Variants in SLC39A9 observed in about 807,000 individuals in gnomAD.
SLC39A9 encodes zinc transporter ZIP9.
Under a neutral mutation model 28.4 loss-of-function variants are expected in SLC39A9, and 14 were observed. That is an observed-to-expected ratio of 0.49 (90% CI 0.33 to 0.77). The LOEUF (loss-of-function observed/expected upper bound fraction) is 0.77, where lower values mean the gene tolerates loss of function less well. Ranked by LOEUF, SLC39A9 falls within the 30% of genes least tolerant of loss-of-function variation. The pLI is 0.02. For synonymous variants in SLC39A9, 119 were observed against 149.6 expected, an observed-to-expected ratio of 0.80 and a Z score of 1.49; for missense variants, 283 against 381.1, an observed-to-expected ratio of 0.74 and a Z score of 2.14.
chr14:69,421,803 G>A lies in SLC39A9; in HGVS notation c.97-2291G>A, dbSNP rs141766244. The stretch of plus-strand genomic sequence containing the variant: ...ATAAGGCTCCATGGGTGTGGGACTC[G>A]CTAAGCAAGGAGCGGGATATAATCT... On this transcript the variant is annotated intron_variant, in intron 1 of 6. Transcript: ENST00000336643. 3.4e-4 allele frequency among the ~76,000 whole-genome samples: 52 copies of A among 152,300 alleles called. 2 individuals are homozygous for A. The East Asian group carries it at 8.1e-3, about 24-fold the overall frequency.
At chr14:69,415,531 C>T (rs1020575228) in intron 1 of SLC39A9, among the ~76,000 whole-genome samples, 2 of 152,086 alleles carry the variant, frequency 1.3e-5, no homozygotes, top group Non-Finnish European at 2.9e-5. Flanking sequence ...CCTTTGTCAG[C>T]GTCATGGAGT....
intron 1 of SLC39A9, among the ~76,000 whole-genome samples, chr14:69,400,121 G>A (rs12385913): frequency 0.19 from 28,537 of 152,198 alleles, 2,810 homozygotes; most frequent in South Asian, 0.26. Context: ...AAATCAATAT[G>A]ATAACTTCCT....
intron 2 of SLC39A9, chr14:69,441,777 G>T: frequency 9.2e-7 from 1 of 1,090,832 alleles, no homozygotes. Flanking sequence ...TGGGGATGGT[G>T]TCCCTTTGGG....
intron 1 of SLC39A9, among the ~76,000 whole-genome samples, chr14:69,411,830 T>G (rs796901454): frequency 4.0e-5 from 6 of 151,314 alleles, no homozygotes; most frequent in African/African-American, 1.5e-4. Flanking sequence ...TCGCCCAGGC[T>G]GGAGTGCAGT....
chr14:69,431,695 C>G (rs1884503122), intron 2 of SLC39A9, among the ~76,000 whole-genome samples: 1 of 151,960 alleles, frequency 6.6e-6, no homozygotes, highest in South Asian at 2.1e-4. Context: ...AATAGTTTTT[C>G]ACCTTTTACT....
chr14:69,459,334 T>C lies in SLC39A9; in HGVS notation c.*741T>C. Reference sequence around the variant, plus strand: ...GGTGACTGGTATTTTGTAGCATTCCTTGTCAAGTTCTCCTTTGCAGAATAC... The same window carrying C: ...GGTGACTGGTATTTTGTAGCATTCCCTGTCAAGTTCTCCTTTGCAGAATAC... On this transcript the variant is annotated 3_prime_UTR_variant, in exon 7 of 7. Transcript: ENST00000336643. 1.0e-6 allele frequency: 1 copy of C among 985,452 alleles called. No individual in the cohort carries two copies. The highest frequency in any genetic ancestry group is 1.2e-6 in the Non-Finnish European group (1 of 829,934). The allele number at this position is 985,452 out of a possible 1,614,324, so 61.0% of individuals were successfully genotyped here.
chr14:69,399,449 C>G lies in SLC39A9; in HGVS notation c.80C>G (p.Ala27Gly). 3 of 1,613,766 alleles carry G rather than the reference C, an allele frequency of 1.9e-6. No homozygotes were observed. The highest frequency in any genetic ancestry group is 2.5e-6 in the Non-Finnish European group (3 of 1,179,880). The change falls in exon 1 of 7, where the codon GCT (alanine) becomes GGT (glycine). Residue 27 changes from alanine to glycine, a missense_variant. Physicochemically the swap from Ala to Gly is moderately conservative, Grantham distance 60. Transcript: ENST00000336643. ...GCYVAGIIPL[A>G]VNFSEERLKL... is the part of the protein sequence containing the mutation. ...TACGTGGCCGGAATCATTCCCTTGG[C>G]TGTTAATTTCTCAGAGGTAAGAAAT...
In SLC39A9 at chr14:69,458,608, G is replaced by A; in HGVS notation, c.*15G>A. The stretch of plus-strand genomic sequence containing the variant: ...ACCAGCATTAAATGTTCAAGGTCCA[G>A]CCTTGGTCCAGGGCCGTTTGCCATC... On this transcript the variant is annotated 3_prime_UTR_variant, in exon 7 of 7. Coordinates refer to ENST00000336643, the MANE Select transcript of SLC39A9 (RefSeq NM_018375.5). 1 of 1,592,808 alleles carries A rather than the reference G, an allele frequency of 6.3e-7. No individual in the cohort carries two copies. The highest frequency in any genetic ancestry group is 1.7e-4 in the Middle Eastern group (1 of 6,010).
chr14:69,404,337 TGAGA>T (rs1197252995), intron 1 of SLC39A9, among the ~76,000 whole-genome samples: 3 of 152,224 alleles, frequency 2.0e-5, no homozygotes, highest in African/African-American at 7.2e-5. Flanking sequence ...AGGGACTGTC[TGAGA>T]CAGTATCATT....
intron 2 of SLC39A9, among the ~76,000 whole-genome samples, chr14:69,436,239 A>G (rs944444967): frequency 1.3e-5 from 2 of 152,058 alleles, no homozygotes; most frequent in African/African-American, 4.8e-5. Context: ...CCCTGTCTCT[A>G]TTTTTTAAAA....
chr14:69,443,862 C>G (rs1202750854), intron 3 of SLC39A9, among the ~76,000 whole-genome samples: 2 of 150,576 alleles, frequency 1.3e-5, no homozygotes, highest in Non-Finnish European at 3.0e-5. Flanking sequence ...AAGTGAGACC[C>G]TGTCTCAAAA....
Position 69,426,342 on chromosome 14 carries a change from G to A in SLC39A9, c.205+2140G>A, listed in dbSNP as rs114352856. On this transcript the variant is annotated intron_variant, in intron 2 of 6. Coordinates refer to ENST00000336643, the MANE Select transcript of SLC39A9 (RefSeq NM_018375.5). ...TTGGGTTCAGTCAATTTGCAAGAGT[G>A]GGTCACAGAACTCAGAGAAACACTT... 2.9e-3 allele frequency among the ~76,000 whole-genome samples: 448 copies of A among 152,256 alleles called. 3 individuals carry two copies. Among genetic ancestry groups the A allele is most frequent in the African/African-American group, 0.01 (436 of 41,548 alleles).
intron 1 of SLC39A9, among the ~76,000 whole-genome samples, chr14:69,411,781 A>ATTTTT (rs541819902): frequency 3.6e-5 from 5 of 138,438 alleles, no homozygotes; most frequent in Non-Finnish European, 6.3e-5. Context: ...CAGGTAAAGA[A>ATTTTT]TTTTTTTTTT....
At chr14:69,399,495 T>G (rs1450611631) in intron 1 of SLC39A9, 30 bp downstream of exon 1, 1 of 1,585,706 alleles carries the variant, frequency 6.3e-7, no homozygotes, top group Non-Finnish European at 8.7e-7. Context: ...CTGTCAGCTG[T>G]CAGGATGGCT....
At chr14:69,446,147 T>G (rs1885288403) in intron 3 of SLC39A9, among the ~76,000 whole-genome samples, 1 of 151,796 alleles carries the variant, frequency 6.6e-6, no homozygotes, top group South Asian at 2.1e-4. Flanking sequence ...GGGTTCTAAG[T>G]GTGGAAGAAG....
At chr14:69,446,158 GA>G (rs1885289275) in intron 3 of SLC39A9, among the ~76,000 whole-genome samples, 1 of 151,894 alleles carries the variant, frequency 6.6e-6, no homozygotes, top group Admixed American at 6.6e-5. Context: ...GTGGAAGAAG[GA>G]ACACACAAGT....
intron 3 of SLC39A9, among the ~76,000 whole-genome samples, chr14:69,448,028 C>CA (rs1472572726): frequency 6.6e-6 from 1 of 151,222 alleles, no homozygotes; most frequent in East Asian, 1.9e-4. Context: ...TCCTGGCTAA[C>CA]ACGGTGAAAC....
At chr14:69,452,518 C>A (rs1165635473) in intron 3 of SLC39A9, among the ~76,000 whole-genome samples, 2 of 150,248 alleles carry the variant, frequency 1.3e-5, no homozygotes, top group Non-Finnish European at 3.0e-5. Context: ...TTAGTAGAAA[C>A]GTGGTTTCAC....
Position 69,458,677 on chromosome 14 carries a change from C to A in SLC39A9, c.*84C>A. 1 of 1,467,418 alleles carries A rather than the reference C, an allele frequency of 6.8e-7. No homozygotes were observed. The highest frequency in any genetic ancestry group is 9.0e-7 in the Non-Finnish European group (1 of 1,107,352). 90.9% of individuals were successfully genotyped at this position (1,467,418 alleles called of 1,614,324 possible). ...CGTGACAGCTACTCACTTCCTCAGT[C>A]TCTTGTCTCACCTTGCGCATCTCTA... On this transcript the variant is annotated 3_prime_UTR_variant, in exon 7 of 7. Coordinates refer to ENST00000336643, the MANE Select transcript of SLC39A9 (RefSeq NM_018375.5).
Sources: allele counts gnomAD v4.1 joint callset (sites outside exome capture counted in the v4.1 genomes callset), GRCh38; gene constraint gnomAD v4.1.1; transcripts MANE v1.5; gene names NCBI Gene and HGNC (gene_info 2026-07-23, HGNC 2026-07-21).